MYRFL: variants seen among roughly 807,000 people sequenced by gnomAD.
MYRFL encodes the protein myelin regulatory factor like, also known as myelin regulatory factor-like protein.
A neutral mutation model predicts 109.4 loss-of-function variants in MYRFL; 88 were observed. The ratio of observed to expected loss-of-function variants is 0.80; its 90% CI spans 0.68 to 0.96. The LOEUF (loss-of-function observed/expected upper bound fraction) is 0.96. MYRFL is among the 40% of genes least tolerant of loss of function. The pLI is 0.00. For synonymous variants in MYRFL, 324 were observed against 320.9 expected (o/e 1.01, Z -0.10); for missense variants, 957 against 954.9 (o/e 1.00, Z -0.03).
chr12:69,889,980 T>C (rs578004201), intron 6 of MYRFL, among the ~76,000 whole-genome samples: 1 of 152,156 alleles, frequency 6.6e-6, no homozygotes, highest in Non-Finnish European at 1.5e-5. Flanking sequence ...AAAGCAAAAA[T>C]TTGATTAGCC....
At chr12:69,884,164 A>G (rs982652838) in intron 5 of MYRFL, among the ~76,000 whole-genome samples, 8 of 152,248 alleles carry the variant, frequency 5.3e-5, no homozygotes, top group Admixed American at 4.6e-4. Flanking sequence ...TTTATGGAAC[A>G]AAAGGATTCT....
intron 1 of MYRFL, among the ~76,000 whole-genome samples, chr12:69,831,077 C>G (rs946254924): frequency 6.6e-6 from 1 of 152,056 alleles, no homozygotes; most frequent in Non-Finnish European, 1.5e-5. Context: ...TAACTGTGTT[C>G]AGTTTGGTGT....
At chr12:69,826,448 A>G (rs566558520) in intron 1 of MYRFL, among the ~76,000 whole-genome samples, 1 of 152,212 alleles carries the variant, frequency 6.6e-6, no homozygotes, top group East Asian at 1.9e-4. Flanking sequence ...GGCAAGCTTC[A>G]ATCTACCATT....
intron 10 of MYRFL, among the ~76,000 whole-genome samples, 157 bp from the exon 11 acceptor site, chr12:69,903,487 C>T (rs921389337): frequency 1.3e-5 from 2 of 152,078 alleles, no homozygotes; most frequent in African/African-American, 2.4e-5. Flanking sequence ...TCCTGGGCCC[C>T]GGAATTACTT....
chr12:69,916,190 T>C (rs1328417131), intron 13 of MYRFL, among the ~76,000 whole-genome samples: 1 of 152,114 alleles, frequency 6.6e-6, no homozygotes, highest in Non-Finnish European at 1.5e-5. Flanking sequence ...TAGCTTATTG[T>C]CTAAGAGGGG....
chr12:69,929,180 T>C (rs761231958), intron 15 of MYRFL, among the ~76,000 whole-genome samples: 2 of 152,082 alleles, frequency 1.3e-5, no homozygotes, highest in Non-Finnish European at 2.9e-5. Flanking sequence ...CTCAGTGTCT[T>C]GGGTATGTGG....
chr12:69,954,395 A>G (rs1419651416), intron 21 of MYRFL, among the ~76,000 whole-genome samples: 2 of 152,242 alleles, frequency 1.3e-5, no homozygotes, highest in Non-Finnish European at 2.9e-5. Flanking sequence ...TTCTATTTTA[A>G]AAAGTACATT....
chr12:69,848,883 T>G (rs1883717380), intron 1 of MYRFL, among the ~76,000 whole-genome samples: 1 of 152,220 alleles, frequency 6.6e-6, no homozygotes, highest in African/African-American at 2.4e-5. Context: ...TTTTTGTTAT[T>G]GATTATTGAG....
At chr12:69,884,345 T>A (rs1886318162) in intron 5 of MYRFL, among the ~76,000 whole-genome samples, 1 of 152,216 alleles carries the variant, frequency 6.6e-6, no homozygotes, top group Non-Finnish European at 1.5e-5. Flanking sequence ...GGCCTGTAAT[T>A]CCAGGTTCTG....
At chr12:69,865,492 C>A (rs1884964967) in intron 2 of MYRFL, among the ~76,000 whole-genome samples, 2 of 151,990 alleles carry the variant, frequency 1.3e-5, no homozygotes, top group South Asian at 4.2e-4. Flanking sequence ...GTTCTAGTAT[C>A]TATGAACCAT....
intron 1 of MYRFL, among the ~76,000 whole-genome samples, chr12:69,829,549 C>T (rs1012063947): frequency 1.3e-5 from 2 of 152,036 alleles, no homozygotes; most frequent in Non-Finnish European, 2.9e-5. Context: ...ATAGTAGGCA[C>T]TTACTGATAT....
chr12:69,924,673 T>G (rs927785737), intron 13 of MYRFL, among the ~76,000 whole-genome samples: 42 of 152,224 alleles, frequency 2.8e-4, no homozygotes, highest in Admixed American at 2.4e-3. Flanking sequence ...TTTATCAATT[T>G]GTTATTTGGA....
At chr12:69,894,762 A>C (rs190665242) in intron 8 of MYRFL, among the ~76,000 whole-genome samples, 1 of 152,366 alleles carries the variant, frequency 6.6e-6, no homozygotes, top group Admixed American at 6.5e-5. Flanking sequence ...GATGCAGTGG[A>C]GACATCTCAG....
intron 15 of MYRFL, among the ~76,000 whole-genome samples, chr12:69,928,274 C>T (rs1218123736): frequency 2.6e-5 from 4 of 152,166 alleles, no homozygotes; most frequent in African/African-American, 9.7e-5. Context: ...ATAGTTAAAG[C>T]GAAGGTTAAT....
intron 13 of MYRFL, among the ~76,000 whole-genome samples, chr12:69,914,516 T>A (rs1368171056): frequency 6.6e-6 from 1 of 152,156 alleles, no homozygotes; most frequent in Non-Finnish European, 1.5e-5. Context: ...TGAGTGGCAA[T>A]GTGTAGGTAA....
intron 1 of MYRFL, among the ~76,000 whole-genome samples, chr12:69,839,519 C>CA (rs1883128413): frequency 6.6e-6 from 1 of 152,002 alleles, no homozygotes; most frequent in African/African-American, 2.4e-5. Context: ...TACAATTCTG[C>CA]AAAAAGCAAA....
intron 16 of MYRFL, among the ~76,000 whole-genome samples, chr12:69,935,202 G>A (rs1472415933): frequency 1.3e-5 from 2 of 151,968 alleles, no homozygotes; most frequent in East Asian, 1.9e-4. Flanking sequence ...TTTTTTTTGT[G>A]TATCCTAATG....
intron 13 of MYRFL, among the ~76,000 whole-genome samples, chr12:69,925,940 T>G (rs1321679598): frequency 6.6e-6 from 1 of 152,172 alleles, no homozygotes; most frequent in African/African-American, 2.4e-5. Flanking sequence ...GGAGTCTCAC[T>G]TCTAGCAGGT....
Position 69,903,763 on chromosome 12 carries a change from C to A in MYRFL, c.1302C>A (p.Ala434=), listed in dbSNP as rs1435705828. The change falls in exon 11 of 25, where the codon GCC becomes GCA. Residue 434 remains alanine, a synonymous_variant. Coordinates refer to ENST00000552032, the MANE Select transcript of MYRFL (RefSeq NM_182530.3). ...VGINTDAPDE[A]LVVCGNMKVM... ...TCAACACAGATGCGCCGGACGAAGC[C>A]CTGGTTGTCTGTGGCAACATGAAAG... is the stretch of plus-strand genomic sequence containing the variant. 5 of 1,535,640 alleles carry A rather than the reference C, an allele frequency of 3.3e-6. No homozygotes were observed. The highest frequency in any genetic ancestry group is 1.4e-5 in the African/African-American group (1 of 73,024).
Sources: gnomAD v4.1 joint callset for allele counts (sites outside exome capture counted in the v4.1 genomes callset) on GRCh38, gnomAD v4.1.1 for gene constraint, MANE v1.5 for transcripts, NCBI Gene and HGNC (gene_info 2026-07-23, HGNC 2026-07-21) for gene names.